ZNF83: variants seen among roughly 807,000 people sequenced by gnomAD.
The protein encoded by ZNF83 is zinc finger protein 816B.
For missense variants in ZNF83, 552 were observed against 629.9 expected (o/e 0.88, Z 1.32); for synonymous variants, 209 against 213.0 (o/e 0.98, Z 0.17).
chr19:52,676,397 C>T (rs1284232987), intron 1 of ZNF83, among the ~76,000 whole-genome samples: 8 of 152,184 alleles, frequency 5.3e-5, no homozygotes, highest in Non-Finnish European at 1.0e-4. Context: ...TCTGCCCGGC[C>T]GCCACCCCGT....
intron 1 of ZNF83, among the ~76,000 whole-genome samples, chr19:52,668,717 T>A (rs1320507516): frequency 1.3e-5 from 2 of 152,192 alleles, no homozygotes; most frequent in Non-Finnish European, 2.9e-5. Flanking sequence ...GGATCAAATA[T>A]TCCCTCTGCA....
intron 1 of ZNF83, among the ~76,000 whole-genome samples, chr19:52,685,047 T>A (rs1451069673): frequency 6.6e-6 from 1 of 152,218 alleles, no homozygotes. Flanking sequence ...AGTCTACCGC[T>A]CTGTTTCTTC....
At chr19:52,613,136 C>T in exon 3 of ZNF83, 1 of 1,611,770 alleles carries the variant, frequency 6.2e-7, no homozygotes, top group Non-Finnish European at 8.5e-7. Flanking sequence ...GTGTGGATCG[C>T]ATGATGATTA....
chr19:52,635,485 T>C (rs12462943), intron 1 of ZNF83: 64,061 of 166,830 alleles, frequency 0.38, 12,521 homozygotes, highest in African/African-American at 0.46. Context: ...TCTGGGAGGC[T>C]GAGGCAGGTG....
intron 2 of ZNF83, among the ~76,000 whole-genome samples, chr19:52,616,431 T>C (rs2060306622): frequency 6.6e-6 from 1 of 152,222 alleles, no homozygotes; most frequent in South Asian, 2.1e-4. Context: ...ACATGTATGT[T>C]TCTTGCAGCA....
chr19:52,613,475 G>C, exon 3 of ZNF83: 3 of 1,613,832 alleles, frequency 1.9e-6, no homozygotes. Context: ...TGAATTATCA[G>C]ATGTTGGGCA....
intron 1 of ZNF83, among the ~76,000 whole-genome samples, chr19:52,667,201 G>T (rs905582597): frequency 1.4e-5 from 2 of 147,842 alleles, no homozygotes; most frequent in Admixed American, 6.8e-5. Flanking sequence ...AGTTCACTTT[G>T]GGAAAGAATG....
intron 1 of ZNF83, among the ~76,000 whole-genome samples, chr19:52,676,931 T>A (rs1377574478): frequency 1.4e-5 from 2 of 139,178 alleles, no homozygotes; most frequent in Admixed American, 7.4e-5. Context: ...GAAGGCAGCA[T>A]GCTCCTTAAG....
At chr19:52,645,011 A>T (rs1173748701) in intron 3 of ZNF83, among the ~76,000 whole-genome samples, 47 of 75,260 alleles carry the variant, frequency 6.2e-4, no homozygotes, top group Non-Finnish European at 2.3e-5. Context: ...ACTCCATCTT[A>T]AAAAAAAAAA....
rs769459911 is a variant in ZNF83, at chr19:52,614,030, A to C, written c.535T>G (p.Cys179Gly). ...TTAAAGACCTTGCCACATTCATTAC[A>C]TTTATATGGTTTCTCTCCAGTATGA... is the stretch of plus-strand genomic sequence containing the variant. Residue 179 changes from cysteine to glycine, a missense_variant, in exon 3 of 3, where the codon TGT becomes GGT. Cys to Gly is a radical substitution (Grantham distance 159, BLOSUM62 -3). Transcript: ENST00000301096. The C allele has an allele frequency of 6.2e-6, 10 of 1,613,358 alleles. No individual in the cohort carries two copies. The South Asian group carries it at 1.1e-4, about 18-fold the overall frequency.
intron 1 of ZNF83, among the ~76,000 whole-genome samples, chr19:52,680,795 G>T (rs957895509): frequency 6.8e-6 from 1 of 147,862 alleles, no homozygotes; most frequent in Non-Finnish European, 1.5e-5. Context: ...TGTATTTTTA[G>T]TAGAGACGGG....
At chr19:52,625,000 GA>G (rs2060685577) in intron 2 of ZNF83, among the ~76,000 whole-genome samples, 1 of 151,636 alleles carries the variant, frequency 6.6e-6, no homozygotes, top group Non-Finnish European at 1.5e-5. Flanking sequence ...TGACCCCCAT[GA>G]CTGTATCTCT....
At chr19:52,663,870 G>A (rs369435067) in intron 1 of ZNF83, among the ~76,000 whole-genome samples, 144 of 152,322 alleles carry the variant, frequency 9.5e-4, no homozygotes, top group African/African-American at 3.5e-3. Context: ...GCTTATTTGA[G>A]AAGCAGTTAT....
upstream of ZNF83, among the ~76,000 whole-genome samples, chr19:52,639,933 T>A (rs541006384): frequency 6.4e-4 from 98 of 152,278 alleles, no homozygotes; most frequent in African/African-American, 2.3e-3. Context: ...CACTGTTCTA[T>A]ACAACCCATT....
At chr19:52,620,698 C>T (rs1410675581) in intron 2 of ZNF83, among the ~76,000 whole-genome samples, 1 of 152,174 alleles carries the variant, frequency 6.6e-6, no homozygotes, top group East Asian at 1.9e-4. Context: ...GGCCTCTGAG[C>T]CCAAGTCTGC....
At chr19:52,625,931 C>T (rs951805325) in intron 2 of ZNF83, among the ~76,000 whole-genome samples, 1 of 152,202 alleles carries the variant, frequency 6.6e-6, no homozygotes, top group African/African-American at 2.4e-5. Flanking sequence ...CACTTCTTCT[C>T]ATCTTTTCAC....
At chr19:52,636,773 G>C (rs1237996714) in intron 1 of ZNF83, 1 of 151,758 alleles carries the variant, frequency 6.6e-6, no homozygotes, top group Middle Eastern at 3.2e-3. Flanking sequence ...CTTCTGCCTC[G>C]GCCTTCAGAG....
chr19:52,618,650 G>T, intron 2 of ZNF83: 1 of 442,438 alleles, frequency 2.3e-6, no homozygotes, highest in Non-Finnish European at 3.9e-6. Context: ...ACAAGCTTTG[G>T]CCTCCCAAAG....
intron 2 of ZNF83, chr19:52,618,707 T>G: frequency 1.2e-6 from 1 of 818,590 alleles, no homozygotes; most frequent in Non-Finnish European, 1.8e-6. Flanking sequence ...AGCCATAAGG[T>G]TTTAAGCCTT....
Sources: gnomAD v4.1 joint callset for allele counts (sites outside exome capture counted in the v4.1 genomes callset) on GRCh38, gnomAD v4.1.1 for gene constraint, MANE v1.5 for transcripts, NCBI Gene and HGNC (gene_info 2026-07-23, HGNC 2026-07-21) for gene names.